The following ZRANB3 variants were observed in gnomAD, a reference collection of about 807,000 sequenced individuals.
The protein encoded by ZRANB3 is DNA annealing helicase and endonuclease ZRANB3.
Under a neutral mutation model 133.8 loss-of-function variants are expected in ZRANB3, and 125 were observed. The ratio of observed to expected loss-of-function variants is 0.93; its 90% CI spans 0.81 to 1.08. The LOEUF (loss-of-function observed/expected upper bound fraction) is 1.08. ZRANB3 is among the 50% of genes least tolerant of loss of function. The pLI is 0.00. For synonymous variants in ZRANB3, 387 were observed against 432.7 expected (o/e 0.89, Z 1.31); for missense variants, 1,229 against 1,275.5 (o/e 0.96, Z 0.56).
At chr2:135,460,832 AT>A (rs1487792611) in intron 2 of ZRANB3, among the ~76,000 whole-genome samples, 23 of 152,168 alleles carry the variant, frequency 1.5e-4, no homozygotes, top group African/African-American at 4.3e-4. Flanking sequence ...AAATAAATAT[AT>A]TTTATAATAC....
intron 8 of ZRANB3, among the ~76,000 whole-genome samples, chr2:135,303,994 C>T (rs1682565354): frequency 6.6e-6 from 1 of 152,092 alleles, no homozygotes; most frequent in African/African-American, 2.4e-5. Flanking sequence ...ATTCTGGGAC[C>T]TTGATAAAAT....
chr2:135,375,787 C>T (rs1278174973), intron 3 of ZRANB3, among the ~76,000 whole-genome samples: 4 of 150,948 alleles, frequency 2.6e-5, no homozygotes, highest in Non-Finnish European at 2.9e-5. Flanking sequence ...CCCCGGGAGA[C>T]GGAGGTTGTG....
chr2:135,462,591 CTCTT>C (rs747399273), intron 2 of ZRANB3, among the ~76,000 whole-genome samples: 25 of 148,620 alleles, frequency 1.7e-4, no homozygotes, highest in Admixed American at 8.0e-4. Context: ...CCCTCTCTCT[CTCTT>C]TTTCTTTTTC....
intron 1 of ZRANB3, among the ~76,000 whole-genome samples, chr2:135,508,124 ATTTGTTT>A (rs752789937): frequency 1.6e-4 from 25 of 151,884 alleles, no homozygotes; most frequent in Admixed American, 2.0e-4. Flanking sequence ...CAGGCACAAT[ATTTGTTT>A]TTTGTTTTTT....
chr2:135,246,027 T>G (rs113177496), intron 12 of ZRANB3, among the ~76,000 whole-genome samples: 13,006 of 140,548 alleles, frequency 0.093, 858 homozygotes, highest in South Asian at 0.28. Flanking sequence ...TTTTCTTTTC[T>G]TTTCTTTCTT....
intron 6 of ZRANB3, among the ~76,000 whole-genome samples, chr2:135,323,198 A>G (rs368883073): frequency 2.0e-5 from 3 of 152,196 alleles, no homozygotes; most frequent in African/African-American, 7.2e-5. Flanking sequence ...TTCCAACCAC[A>G]TAAGTTTAAC....
chr2:135,414,963 AG>A (rs1204073196), intron 2 of ZRANB3, among the ~76,000 whole-genome samples: 6 of 152,042 alleles, frequency 3.9e-5, no homozygotes, highest in African/African-American at 1.4e-4. Context: ...CAGTGTGTAG[AG>A]GGAAATTTAT....
intron 6 of ZRANB3, among the ~76,000 whole-genome samples, chr2:135,338,798 G>T (rs187616741): frequency 3.3e-5 from 5 of 152,278 alleles, no homozygotes; most frequent in Admixed American, 6.5e-5. Context: ...GTGCATATGT[G>T]TGTATGTGTA....
At chr2:135,239,411 A>C (rs1695450577) in intron 12 of ZRANB3, among the ~76,000 whole-genome samples, 1 of 14,006 alleles carries the variant, frequency 7.1e-5, no homozygotes, top group South Asian at 0.014. Context: ...CCACAGTATA[A>C]AAAATCAAAA....
chr2:135,476,237 T>C (rs1296464668), intron 2 of ZRANB3, among the ~76,000 whole-genome samples: 1 of 152,234 alleles, frequency 6.6e-6, no homozygotes, highest in African/African-American at 2.4e-5. Flanking sequence ...GACATTTTAA[T>C]ATGTACCAAA....
In ZRANB3 at chr2:135,198,076, C is replaced by T. The variant is rs946100607; in HGVS notation, c.*2266G>A. 2.0e-5 allele frequency: 3 copies of T among 152,288 alleles called. No individual in the cohort carries two copies. Among genetic ancestry groups the T allele is most frequent in the South Asian group, 2.1e-4 (1 of 4,830 alleles). The allele number at this position is 152,288 out of a possible 1,614,324, so 9.4% of individuals were successfully genotyped here. Reference sequence around the variant, plus strand: ...ATTGTACCCACCTGTGTTTTCACTCCATCTCCATCTCCTGAGTGGCAGCAG... The same window carrying T: ...ATTGTACCCACCTGTGTTTTCACTCTATCTCCATCTCCTGAGTGGCAGCAG... On this transcript the variant is annotated 3_prime_UTR_variant, in exon 21 of 21. Coordinates refer to ENST00000264159, the MANE Select transcript of ZRANB3 (RefSeq NM_032143.4).
intron 2 of ZRANB3, among the ~76,000 whole-genome samples, chr2:135,400,205 A>C (rs1687675011): frequency 1.3e-5 from 2 of 152,080 alleles, no homozygotes. Context: ...GCACCACTGC[A>C]CTCCAGCCTG....
At chr2:135,414,401 T>A (rs1194131745) in intron 2 of ZRANB3, among the ~76,000 whole-genome samples, 5 of 152,164 alleles carry the variant, frequency 3.3e-5, no homozygotes, top group Non-Finnish European at 7.3e-5. Flanking sequence ...CAAGAAGAGC[T>A]AACTATCCTA....
chr2:135,430,942 G>A lies in ZRANB3; in HGVS notation c.162-40122C>T, dbSNP rs76154181. On this transcript the variant is annotated intron_variant, in intron 2 of 20. Transcript: ENST00000264159. ...TTGAAGTAGAAACACAGATCTATAT[G>A]TAAAACTATAGCAAAAACGGTACAA... Among the ~76,000 whole-genome samples the A allele has an allele frequency of 2.6e-5, 4 of 152,120 alleles. No individual in the cohort carries two copies. The East Asian group carries it at 7.7e-4, about 29-fold the overall frequency.
intron 2 of ZRANB3, among the ~76,000 whole-genome samples, chr2:135,488,133 A>G (rs187925794): frequency 6.6e-6 from 1 of 152,290 alleles, no homozygotes; most frequent in East Asian, 1.9e-4. Flanking sequence ...GTGGAGAGGG[A>G]AAGAGAGGAA....
At chr2:135,292,719 T>C (rs1558892699) in intron 8 of ZRANB3, among the ~76,000 whole-genome samples, 2 of 152,264 alleles carry the variant, frequency 1.3e-5, no homozygotes, top group Admixed American at 1.3e-4. Context: ...AGGGGTTTTA[T>C]GGTTTTAGGT....
chr2:135,277,933 CAAA>C (rs367859811), intron 8 of ZRANB3, among the ~76,000 whole-genome samples: 1 of 115,708 alleles, frequency 8.6e-6, no homozygotes, highest in African/African-American at 3.1e-5. Context: ...AAAAAAAAAA[CAAA>C]AAAAAAAAAC....
chr2:135,355,508 C>T (rs1685392849), intron 3 of ZRANB3, among the ~76,000 whole-genome samples: 1 of 152,062 alleles, frequency 6.6e-6, no homozygotes, highest in Non-Finnish European at 1.5e-5. Context: ...GTGGCATGCC[C>T]CACCACGCCT....
At chr2:135,360,071 G>T (rs933697848) in intron 3 of ZRANB3, among the ~76,000 whole-genome samples, 9 of 152,078 alleles carry the variant, frequency 5.9e-5, no homozygotes, top group African/African-American at 2.2e-4. Flanking sequence ...ATTTGAAAAG[G>T]ACTACCTTTT....
Sources: gnomAD v4.1 joint callset for allele counts (sites outside exome capture counted in the v4.1 genomes callset) on GRCh38, gnomAD v4.1.1 for gene constraint, MANE v1.5 for transcripts, NCBI Gene and HGNC (gene_info 2026-07-23, HGNC 2026-07-21) for gene names.